The following GTF2E1 variants were observed in gnomAD, a reference collection of about 807,000 sequenced individuals.
GTF2E1 encodes general transcription factor IIE subunit 1.
A neutral mutation model predicts 34.9 loss-of-function variants in GTF2E1; 14 were observed. The observed-to-expected ratio is 0.40, with a 90% CI of 0.27 to 0.63. The LOEUF (loss-of-function observed/expected upper bound fraction) is 0.63. GTF2E1 is among the 20% of genes least tolerant of loss of function. The probability of loss-of-function intolerance (pLI) is 0.39; values close to 1 mark genes in which losing one functional copy is unlikely to be tolerated. For synonymous variants in GTF2E1, 188 were observed against 192.9 expected, an observed-to-expected ratio of 0.97 and a Z score of 0.21; for missense variants, 469 against 557.7, an observed-to-expected ratio of 0.84 and a Z score of 1.60.
intron 2 of GTF2E1, among the ~76,000 whole-genome samples, chr3:120,766,347 C>T (rs1010182948): frequency 2.0e-5 from 3 of 152,236 alleles, no homozygotes; most frequent in African/African-American, 7.2e-5. Context: ...TTTTCATGAC[C>T]TCAGTGTCTT....
At chr3:120,768,431 A>G (rs1296583063) in intron 2 of GTF2E1, among the ~76,000 whole-genome samples, 5 of 152,200 alleles carry the variant, frequency 3.3e-5, no homozygotes, top group Non-Finnish European at 1.5e-5. Flanking sequence ...GGGTTGGAGT[A>G]TTAACCTTTG....
At chr3:120,753,668 A>C (rs929404957) in intron 2 of GTF2E1, among the ~76,000 whole-genome samples, 1 of 152,168 alleles carries the variant, frequency 6.6e-6, no homozygotes, top group Non-Finnish European at 1.5e-5. Context: ...CCACCTGCAA[A>C]TTCTGGACCC....
chr3:120,754,615 A>G (rs923418825), intron 2 of GTF2E1, among the ~76,000 whole-genome samples: 2 of 152,108 alleles, frequency 1.3e-5, no homozygotes, highest in African/African-American at 4.8e-5. Flanking sequence ...TATTGGGCAA[A>G]AAAATACAGT....
chr3:120,770,925 CAG>C lies in GTF2E1; in HGVS notation c.649_650del (p.Ser217GlnfsTer12). ...PEPTEIPALKQSKDHAATTAG... is the reference protein window; with the variant it reads ...PEPTEIPALKXSKDHAATTAG... ...ACCCACAGAAATCCCAGCCCTGAAA[CAG>C]AGGTGAGTGTAGGCCCTGTGCTCTT... On this transcript the variant is annotated frameshift_variant and splice_region_variant, in exon 3 of 5. Transcript: ENST00000283875. LOFTEE classifies it high-confidence loss of function. 3.1e-6 allele frequency: 5 copies of C among 1,612,584 alleles called. No individual in the cohort carries two copies. The highest frequency in any genetic ancestry group is 4.2e-6 in the Non-Finnish European group (5 of 1,178,726).
intron 4 of GTF2E1, among the ~76,000 whole-genome samples, chr3:120,777,658 ATTAATT>A: frequency 6.6e-6 from 1 of 152,300 alleles, no homozygotes; most frequent in Non-Finnish European, 1.5e-5. Flanking sequence ...TCTTTGATAT[ATTAATT>A]TTAATAAGAA....
intron 2 of GTF2E1, among the ~76,000 whole-genome samples, chr3:120,752,648 T>G (rs1709173490): frequency 6.6e-6 from 1 of 152,232 alleles, no homozygotes; most frequent in Non-Finnish European, 1.5e-5. Context: ...ACTCAATAGA[T>G]GGCCTGTGGA....
At chr3:120,748,903 T>G (rs1401426832) in intron 1 of GTF2E1, among the ~76,000 whole-genome samples, 1 of 152,272 alleles carries the variant, frequency 6.6e-6, no homozygotes, top group Non-Finnish European at 1.5e-5. Context: ...TTCTTCCATT[T>G]GTTTGTATCC....
intron 1 of GTF2E1, among the ~76,000 whole-genome samples, chr3:120,743,693 T>G (rs1709078444): frequency 6.6e-6 from 1 of 151,988 alleles, no homozygotes; most frequent in Admixed American, 6.6e-5. Context: ...GAAGGATGAT[T>G]AGGAGAAGGG....
intron 1 of GTF2E1, among the ~76,000 whole-genome samples, chr3:120,743,654 C>T (rs1053230354): frequency 2.0e-5 from 3 of 152,078 alleles, no homozygotes; most frequent in Admixed American, 6.6e-5. Flanking sequence ...TCTGGGAAGG[C>T]CTCCATGAGG....
At chr3:120,752,623 G>C (rs1169856729) in intron 2 of GTF2E1, among the ~76,000 whole-genome samples, 2 of 152,174 alleles carry the variant, frequency 1.3e-5, no homozygotes, top group African/African-American at 4.8e-5. Context: ...CCTGGATTCT[G>C]AATGAAACTA....
chr3:120,769,834 A>C (rs1233246977), intron 2 of GTF2E1, among the ~76,000 whole-genome samples: 2 of 152,124 alleles, frequency 1.3e-5, no homozygotes, highest in Non-Finnish European at 2.9e-5. Context: ...TTTGGGATAG[A>C]TGTAGATTAG....
chr3:120,750,773 G>A lies in GTF2E1; in HGVS notation c.221G>A (p.Cys74Tyr), dbSNP rs772167907. 3.7e-6 allele frequency: 6 copies of A among 1,613,966 alleles called. No homozygotes were observed. Among genetic ancestry groups the A allele is most frequent in the Non-Finnish European group, 5.1e-6 (6 of 1,179,892 alleles). ...NNLKGDKFIK[C>Y]RMRVETAADG... ...TTAAAGGGAGACAAGTTTATCAAAT[G>A]CAGAATGAGGGTAGAGACTGCTGCA... The change falls in exon 2 of 5, where the codon TGC (cysteine) becomes TAC (tyrosine). Residue 74 changes from cysteine (C) to tyrosine (Y), a missense_variant. Cys to Tyr is a radical substitution (Grantham distance 194). Coordinates refer to ENST00000283875, the MANE Select transcript of GTF2E1 (RefSeq NM_005513.3).
At chr3:120,762,788 G>A (rs1394662762) in intron 2 of GTF2E1, among the ~76,000 whole-genome samples, 1 of 152,136 alleles carries the variant, frequency 6.6e-6, no homozygotes, top group Non-Finnish European at 1.5e-5. Flanking sequence ...CCTTCTTTTA[G>A]CATGTGTAAA....
intron 1 of GTF2E1, among the ~76,000 whole-genome samples, chr3:120,743,555 C>G (rs561606412): frequency 6.6e-6 from 1 of 152,074 alleles, no homozygotes; most frequent in Non-Finnish European, 1.5e-5. Flanking sequence ...GAAGTCTGGT[C>G]TTAGAGATAG....
At position 120,747,596 on chromosome 3, in the gene GTF2E1, G is replaced by A. The variant is rs568423533; in HGVS notation, c.-30-2927G>A. Among the ~76,000 whole-genome samples, 7 of 152,238 alleles carry A rather than the reference G, an allele frequency of 4.6e-5. No homozygotes were observed. The East Asian group carries it at 1.2e-3, about 25-fold the overall frequency. On this transcript the variant is annotated intron_variant, in intron 1 of 4. Transcript: ENST00000283875. The stretch of plus-strand genomic sequence containing the variant: ...CATGAACTCATCCTTTTTTATGGCT[G>A]CATAGTATTCCATGGTGTATATGTG...
At position 120,782,941 on chromosome 3, in the gene GTF2E1, G is replaced by T. The variant is rs1006430924; in HGVS notation, c.*1471G>T. ...ATCTTACAATATTTTTCCTTGCATT[G>T]TAATTTTTAAGTATTTATCATTTTA... On this transcript the variant is annotated 3_prime_UTR_variant, in exon 5 of 5. Coordinates refer to ENST00000283875, the MANE Select transcript of GTF2E1 (RefSeq NM_005513.3). 1 of 152,076 alleles carries T rather than the reference G, an allele frequency of 6.6e-6. No homozygotes were observed. The highest frequency in any genetic ancestry group is 1.5e-5 in the Non-Finnish European group (1 of 68,010). 9.4% of individuals were successfully genotyped at this position (152,076 alleles called of 1,614,324 possible).
chr3:120,750,404 T>C, intron 1 of GTF2E1, 119 bp from the exon 2 acceptor site: 1 of 631,116 alleles, frequency 1.6e-6, no homozygotes, highest in Non-Finnish European at 2.8e-6. Context: ...CTCTGTTAAA[T>C]GCTTAGGTAT....
chr3:120,743,118 GGTA>G (rs1709071300), intron 1 of GTF2E1: 1 of 156,072 alleles, frequency 6.4e-6, no homozygotes, highest in African/African-American at 2.4e-5. Context: ...GAGGTTTCGC[GGTA>G]GTTTGCCGCT....
In GTF2E1 at chr3:120,754,716, C is replaced by T. The variant is rs150432292; in HGVS notation, c.448+3716C>T. On this transcript the variant is annotated intron_variant, in intron 2 of 4. Transcript: ENST00000283875. ...TTAGATGTTTGAATTGGAAATAATTCGGGAGCCCCTTTTACTGCATTCACC... is the reference window on the plus strand; with the variant it reads ...TTAGATGTTTGAATTGGAAATAATTTGGGAGCCCCTTTTACTGCATTCACC... 7.5e-3 allele frequency among the ~76,000 whole-genome samples: 1,138 copies of T among 151,990 alleles called. 9 individuals carry two copies. Among genetic ancestry groups the T allele is most frequent in the South Asian group, 0.027 (132 of 4,820 alleles).
Sources: allele counts gnomAD v4.1 joint callset (sites outside exome capture counted in the v4.1 genomes callset), GRCh38; gene constraint gnomAD v4.1.1; transcripts MANE v1.5; gene names NCBI Gene and HGNC (gene_info 2026-07-23, HGNC 2026-07-21).